Variants in DLGAP1 observed in about 807,000 individuals in gnomAD.
DLGAP1 encodes the protein DLG associated protein 1, also known as disks large-associated protein 1.
DLGAP1 carries 11 observed loss-of-function variants against 90.8 expected under a neutral mutation model. The observed-to-expected ratio is 0.12, with a 90% confidence interval of 0.08 to 0.20. The LOEUF (loss-of-function observed/expected upper bound fraction) is 0.20, where lower values mean the gene tolerates loss of function less well. DLGAP1 is among the 10% of genes least tolerant of loss of function. The pLI is 1.00. For missense variants in DLGAP1, 1,050 were observed against 1,333.8 expected (o/e 0.79, Z 3.31); for synonymous variants, 558 against 540.7 (o/e 1.03, Z -0.44).
intron 2 of DLGAP1, among the ~76,000 whole-genome samples, chr18:4,128,162 T>C (rs762753403): frequency 6.6e-6 from 1 of 152,116 alleles, no homozygotes; most frequent in Non-Finnish European, 1.5e-5. Context: ...AACTACCAAT[T>C]AAAAACATTC....
intron 3 of DLGAP1, among the ~76,000 whole-genome samples, chr18:3,946,399 G>A (rs1030271212): frequency 6.6e-6 from 1 of 151,962 alleles, no homozygotes; most frequent in African/African-American, 2.4e-5. Context: ...ATGTGTCAAT[G>A]GTATGGTTTT....
At chr18:4,450,638 A>C (rs2083800130) in intron 1 of DLGAP1, among the ~76,000 whole-genome samples, 1 of 152,190 alleles carries the variant, frequency 6.6e-6, no homozygotes, top group Non-Finnish European at 1.5e-5. Context: ...GCTGAATATT[A>C]AGAAAACCTG....
At chr18:4,359,481 C>T (rs1327120071) in intron 1 of DLGAP1, among the ~76,000 whole-genome samples, 1 of 152,196 alleles carries the variant, frequency 6.6e-6, no homozygotes. Context: ...CAACGATACA[C>T]CTCTTCATCA....
intron 5 of DLGAP1, among the ~76,000 whole-genome samples, chr18:3,753,371 T>C (rs1312459956): frequency 6.6e-6 from 1 of 151,992 alleles, no homozygotes; most frequent in Non-Finnish European, 1.5e-5. Context: ...CAGTGAACAG[T>C]TAATATTTTT....
chr18:4,142,111 C>T (rs965873901), intron 2 of DLGAP1, among the ~76,000 whole-genome samples: 2 of 152,040 alleles, frequency 1.3e-5, no homozygotes, highest in African/African-American at 4.8e-5. Context: ...TAATTCTTGT[C>T]AAGTTGCATC....
At chr18:3,738,201 AAGGTAATTTACAGAT>A (rs1325161297) in intron 6 of DLGAP1, among the ~76,000 whole-genome samples, 1 of 149,492 alleles carries the variant, frequency 6.7e-6, no homozygotes, top group Non-Finnish European at 1.5e-5. Context: ...CATACTGCCC[AAGGTAATTTACAGAT>A]TCAATGCCAT....
chr18:3,597,631 G>C, intron 7 of DLGAP1: 1 of 224,748 alleles, frequency 4.4e-6, no homozygotes, highest in South Asian at 5.2e-5. Flanking sequence ...CTCCCCCAAA[G>C]CAGCCCATTG....
chr18:4,379,766 C>T (rs934591601), intron 1 of DLGAP1, among the ~76,000 whole-genome samples: 3 of 152,018 alleles, frequency 2.0e-5, no homozygotes, highest in African/African-American at 7.2e-5. Flanking sequence ...AGTTGCTGAG[C>T]CCATGTTCCA....
At chr18:3,862,705 G>A (rs1309485548) in intron 4 of DLGAP1, among the ~76,000 whole-genome samples, 2 of 152,220 alleles carry the variant, frequency 1.3e-5, no homozygotes, top group African/African-American at 4.8e-5. Flanking sequence ...TGTTTCTAAG[G>A]GGAAGTGAGT....
chr18:3,600,915 G>GATATAGATATATAGATATATAGATAGAT (rs2056947592), intron 7 of DLGAP1, among the ~76,000 whole-genome samples: 1 of 16,794 alleles, frequency 6.0e-5, no homozygotes, highest in African/African-American at 2.5e-4. Flanking sequence ...TATATAGATA[G>GATATAGATATATAGATATATAGATAGAT]ATATAGATAT....
At chr18:4,315,360 A>T (rs966435688) in intron 1 of DLGAP1, among the ~76,000 whole-genome samples, 1 of 152,208 alleles carries the variant, frequency 6.6e-6, no homozygotes, top group African/African-American at 2.4e-5. Flanking sequence ...TATTATCTAG[A>T]TATTTTGGAA....
intron 7 of DLGAP1, among the ~76,000 whole-genome samples, chr18:3,703,620 T>C (rs186447443): frequency 6.6e-6 from 1 of 152,374 alleles, no homozygotes; most frequent in East Asian, 1.9e-4. Context: ...TCACTAGATA[T>C]GGACACATTC....
chr18:4,138,220 A>C (rs1338384127), intron 2 of DLGAP1, among the ~76,000 whole-genome samples: 1 of 151,944 alleles, frequency 6.6e-6, no homozygotes, highest in African/African-American at 2.4e-5. Flanking sequence ...CTTTTTCCTC[A>C]TTCAGTATAA....
At chr18:4,397,459 T>C (rs1056852090) in intron 1 of DLGAP1, among the ~76,000 whole-genome samples, 1 of 152,214 alleles carries the variant, frequency 6.6e-6, no homozygotes, top group African/African-American at 2.4e-5. Context: ...AAAGCACTTC[T>C]TGGATCCTAT....
rs553467191 is a variant in DLGAP1, at chr18:3,774,514, T to A, written c.1173-32002A>T. On this transcript the variant is annotated intron_variant, in intron 5 of 12. Coordinates refer to ENST00000315677, the MANE Select transcript of DLGAP1 (RefSeq NM_004746.4). The stretch of plus-strand genomic sequence containing the variant: ...GCTGTGTCATGGAAAGGTGACATAT[T>A]CGTCCTGCTGGAAGGGCTGGCTTGC... 5 of 152,438 alleles carry A rather than the reference T, an allele frequency of 3.3e-5. No individual in the cohort carries two copies. The South Asian group carries it at 1.0e-3, about 32-fold the overall frequency. 9.4% of individuals were successfully genotyped at this position (152,438 alleles called of 1,614,324 possible).
At chr18:3,928,813 G>A (rs775154911) in intron 3 of DLGAP1, among the ~76,000 whole-genome samples, 3 of 152,098 alleles carry the variant, frequency 2.0e-5, no homozygotes, top group Non-Finnish European at 2.9e-5. Flanking sequence ...TTCCTTTGTC[G>A]CTGATATGGT....
chr18:3,809,414 T>C (rs1204386277), intron 5 of DLGAP1, among the ~76,000 whole-genome samples: 1 of 152,134 alleles, frequency 6.6e-6, no homozygotes, highest in African/African-American at 2.4e-5. Flanking sequence ...CAAACAAAGG[T>C]TCAGGGCCAG....
chr18:4,384,075 G>A (rs191801093), intron 1 of DLGAP1, among the ~76,000 whole-genome samples: 9 of 152,128 alleles, frequency 5.9e-5, no homozygotes, highest in Non-Finnish European at 8.8e-5. Flanking sequence ...CAACAGCAAC[G>A]AGACTTACTC....
At chr18:4,133,287 C>T (rs908820649) in intron 2 of DLGAP1, among the ~76,000 whole-genome samples, 7 of 152,142 alleles carry the variant, frequency 4.6e-5, no homozygotes, top group East Asian at 3.9e-4. Flanking sequence ...TGAGTGCCAA[C>T]GATTCACTGC....
Sources: allele counts gnomAD v4.1 joint callset (sites outside exome capture counted in the v4.1 genomes callset), GRCh38; gene constraint gnomAD v4.1.1; transcripts MANE v1.5; gene names NCBI Gene and HGNC (gene_info 2026-07-23, HGNC 2026-07-21).